The following RAB3B variants were observed in gnomAD, a reference collection of about 807,000 sequenced individuals.
RAB3B encodes the protein ras-related protein Rab-3B.
A neutral mutation model predicts 20.5 loss-of-function variants in RAB3B; 11 were observed. The observed-to-expected ratio is 0.54, with a 90% CI of 0.34 to 0.89. RAB3B has a LOEUF of 0.89. Ranked by LOEUF, RAB3B falls within the 40% of genes least tolerant of loss-of-function variation. The probability of loss-of-function intolerance (pLI) is 0.02; values close to 1 mark genes in which losing one functional copy is unlikely to be tolerated. For synonymous variants in RAB3B, 99 were observed against 106.3 expected (o/e 0.93, Z 0.42); for missense variants, 225 against 280.9 (o/e 0.80, Z 1.42).
intron 2 of RAB3B, among the ~76,000 whole-genome samples, chr1:51,964,633 C>A (rs1433372352): frequency 6.6e-6 from 1 of 152,188 alleles, no homozygotes; most frequent in Non-Finnish European, 1.5e-5. Flanking sequence ...CTGCAGTCTT[C>A]CCCATCTCAG....
At chr1:51,969,618 C>CT (rs11340886) in intron 2 of RAB3B, among the ~76,000 whole-genome samples, 2 of 151,142 alleles carry the variant, frequency 1.3e-5, no homozygotes, top group African/African-American at 4.9e-5. Context: ...AGTAATAAGG[C>CT]TTTTTTTTTT....
intron 1 of RAB3B, among the ~76,000 whole-genome samples, chr1:51,988,220 A>AG (rs1412314796): frequency 6.6e-6 from 1 of 152,182 alleles, no homozygotes; most frequent in Non-Finnish European, 1.5e-5. Flanking sequence ...ATAAGAAGGG[A>AG]GTTGGGCAAA....
chr1:51,937,477 G>A (rs1192940289), intron 2 of RAB3B, 65 bp from the exon 3 acceptor site: 1 of 1,156,380 alleles, frequency 8.6e-7, no homozygotes, highest in Non-Finnish European at 1.2e-6. Context: ...AAAGTCCCCA[G>A]GACAATTAAC....
chr1:51,965,658 A>G (rs944643394), intron 2 of RAB3B, among the ~76,000 whole-genome samples: 10 of 152,150 alleles, frequency 6.6e-5, no homozygotes, highest in Admixed American at 2.0e-4. Flanking sequence ...AAAAAAAAAA[A>G]AAGGTGAATT....
chr1:51,957,060 A>G (rs913869832), intron 2 of RAB3B, among the ~76,000 whole-genome samples: 8 of 151,934 alleles, frequency 5.3e-5, no homozygotes, highest in Non-Finnish European at 8.8e-5. Context: ...TAAAGTCTAT[A>G]TAAACTCTTT....
At chr1:51,923,924 G>A (rs1165823295) in intron 4 of RAB3B, among the ~76,000 whole-genome samples, 1 of 152,008 alleles carries the variant, frequency 6.6e-6, no homozygotes, top group Non-Finnish European at 1.5e-5. Flanking sequence ...CATTCTTCAG[G>A]ACTCAGCTTA....
At chr1:51,953,602 G>A (rs1193275245) in intron 2 of RAB3B, among the ~76,000 whole-genome samples, 2 of 152,148 alleles carry the variant, frequency 1.3e-5, no homozygotes, top group African/African-American at 4.8e-5. Flanking sequence ...TCAGGAGTTC[G>A]AGACCAGCCT....
At chr1:51,956,469 T>C (rs536616399) in intron 2 of RAB3B, among the ~76,000 whole-genome samples, 2 of 152,298 alleles carry the variant, frequency 1.3e-5, no homozygotes, top group South Asian at 4.2e-4. Context: ...TTATACTGCC[T>C]GCTAGGATGC....
intron 1 of RAB3B, 138 bp from the exon 2 acceptor site, chr1:51,977,255 T>C (rs1557977395): frequency 3.0e-6 from 2 of 657,300 alleles, no homozygotes; most frequent in Non-Finnish European, 5.3e-6. Flanking sequence ...CTACTCAGAA[T>C]CACCCCATCA....
intron 2 of RAB3B, among the ~76,000 whole-genome samples, chr1:51,968,798 C>T (rs1684890096): frequency 6.6e-6 from 1 of 152,190 alleles, no homozygotes; most frequent in Admixed American, 6.5e-5. Flanking sequence ...GACTGATAAG[C>T]GAACCTTGCT....
chr1:51,940,294 G>T (rs1469086764), intron 2 of RAB3B, among the ~76,000 whole-genome samples: 1 of 152,154 alleles, frequency 6.6e-6, no homozygotes, highest in African/African-American at 2.4e-5. Context: ...GCAATATGAG[G>T]TAATATGTCA....
chr1:51,955,106 A>G (rs934354424), intron 2 of RAB3B, among the ~76,000 whole-genome samples: 1 of 152,222 alleles, frequency 6.6e-6, no homozygotes, highest in African/African-American at 2.4e-5. Flanking sequence ...GACCTTTATG[A>G]GCGAAGTTTG....
chr1:51,978,899 T>C (rs186392999), intron 1 of RAB3B, among the ~76,000 whole-genome samples: 36 of 152,352 alleles, frequency 2.4e-4, no homozygotes, highest in African/African-American at 7.9e-4. Context: ...TAAAGCTCTC[T>C]TGAAGAAAAG....
At chr1:51,981,608 G>T (rs2124317589) in intron 1 of RAB3B, among the ~76,000 whole-genome samples, 1 of 152,234 alleles carries the variant, frequency 6.6e-6, no homozygotes, top group East Asian at 1.9e-4. Context: ...CAAGGTATAG[G>T]CTAGAATATA....
In RAB3B at chr1:51,965,595, C is replaced by T. The variant is rs183718890; in HGVS notation, c.228+11295G>A. ...CCGGGAAGCGGAGGTTGCAGTGAGC[C>T]GAGAATGTACCACTGCACTCCAGCC... On this transcript the variant is annotated intron_variant, in intron 2 of 4. Coordinates refer to ENST00000371655, the MANE Select transcript of RAB3B (RefSeq NM_002867.4). 7.0e-3 allele frequency among the ~76,000 whole-genome samples: 1,056 copies of T among 150,230 alleles called. 12 individuals carry two copies. The highest frequency in any genetic ancestry group is 0.025 in the African/African-American group (1,019 of 40,712).
chr1:51,989,103 G>GCGCGCGCACACA (rs377673682), intron 1 of RAB3B, among the ~76,000 whole-genome samples: 53 of 132,762 alleles, frequency 4.0e-4, no homozygotes, highest in African/African-American at 1.3e-3. Context: ...CTGTGCGCGC[G>GCGCGCGCACACA]CACACACACA....
chr1:51,932,609 T>G (rs1390855375), intron 4 of RAB3B, among the ~76,000 whole-genome samples: 1 of 152,166 alleles, frequency 6.6e-6, no homozygotes, highest in Non-Finnish European at 1.5e-5. Context: ...TTACTTTTGT[T>G]GTGAATTGTG....
intron 1 of RAB3B, among the ~76,000 whole-genome samples, chr1:51,985,926 G>A (rs1396775091): frequency 6.6e-6 from 1 of 152,042 alleles, no homozygotes; most frequent in Non-Finnish European, 1.5e-5. Context: ...CAGTTGGAGG[G>A]TCATGAATGG....
chr1:51,929,600 G>A (rs750805233), intron 4 of RAB3B, among the ~76,000 whole-genome samples: 9 of 152,166 alleles, frequency 5.9e-5, no homozygotes, highest in Non-Finnish European at 1.3e-4. Context: ...ACAAGTGTGA[G>A]CCACTGCGCC....
Sources: gnomAD v4.1 joint callset for allele counts (sites outside exome capture counted in the v4.1 genomes callset) on GRCh38, gnomAD v4.1.1 for gene constraint, MANE v1.5 for transcripts, NCBI Gene and HGNC (gene_info 2026-07-23, HGNC 2026-07-21) for gene names.